Variants in UROD observed in about 807,000 individuals in gnomAD.
UROD encodes the protein uroporphyrinogen decarboxylase, also known as uroporphyrinogen III decarboxylase.
UROD carries 34 observed loss-of-function variants against 47.1 expected under a neutral mutation model. The observed-to-expected ratio is 0.72, with a 90% confidence interval of 0.55 to 0.96. UROD has a LOEUF of 0.96. Ranked by LOEUF, UROD falls within the 40% of genes least tolerant of loss-of-function variation. The pLI is 0.00. For missense variants in UROD, 381 were observed against 471.8 expected (o/e 0.81, Z 1.78); for synonymous variants, 148 against 175.8 (o/e 0.84, Z 1.25).
At chr1:45,014,200 G>C in intron 6 of UROD, 130 bp downstream of exon 6, 1 of 1,457,514 alleles carries the variant, frequency 6.9e-7, no homozygotes, top group Non-Finnish European at 9.6e-7. Flanking sequence ...CAGTGATCTA[G>C]CGGAGCAGCC....
intron 8 of UROD, 32 bp downstream of exon 8, chr1:45,014,868 G>A: frequency 6.8e-6 from 11 of 1,614,228 alleles, no homozygotes; most frequent in Non-Finnish European, 9.3e-6. Flanking sequence ...CCTTGAGGTT[G>A]AGGTGGGGGT....
chr1:45,014,699 C>T, intron 7 of UROD, 37 bp from the exon 8 acceptor site: 2 of 1,613,778 alleles, frequency 1.2e-6, no homozygotes, highest in Non-Finnish European at 8.5e-7. Flanking sequence ...GTGGTTGTAG[C>T]AAGGCCCTCT....
At chr1:45,015,143 G>C in intron 9 of UROD, 137 bp downstream of exon 9, 1 of 1,488,970 alleles carries the variant, frequency 6.7e-7, no homozygotes, top group Non-Finnish European at 9.2e-7. Context: ...TAGAAAGACC[G>C]GACTTTTTGT....
rs772896898 is a variant in UROD, at chr1:45,012,887, C to T, written c.21-20C>T. On this transcript the variant is annotated intron_variant, in intron 1 of 9. Coordinates refer to ENST00000246337, the MANE Select transcript of UROD (RefSeq NM_000374.5). Reference sequence around the variant, plus strand: ...AGCGTAGCATACTGACACCTACCCCCACCCCCACCTGATCGCCAGACCTCA... The same window carrying T: ...AGCGTAGCATACTGACACCTACCCCTACCCCCACCTGATCGCCAGACCTCA... 2.0e-5 allele frequency: 32 copies of T among 1,613,372 alleles called. No individual in the cohort carries two copies. The highest frequency in any genetic ancestry group is 2.5e-5 in the Non-Finnish European group (30 of 1,179,712).
chr1:45,014,396 C>T (rs1208315427), intron 6 of UROD, 43 bp from the exon 7 acceptor site: 1 of 1,613,468 alleles, frequency 6.2e-7, no homozygotes, highest in Non-Finnish European at 8.5e-7. Context: ...GGGAAACTTC[C>T]TCTTTGTGTG....
Position 45,015,419 on chromosome 1 carries a change from A to T in UROD, c.1025A>T (p.Tyr342Phe). The T allele has an allele frequency of 6.2e-7, 1 of 1,614,198 alleles. No individual in the cohort carries two copies. Among genetic ancestry groups the T allele is most frequent in the Non-Finnish European group, 8.5e-7 (1 of 1,180,038 alleles). ...RYIANLGHGL[Y>F]PDMDPEHVGA... The stretch of plus-strand genomic sequence containing the variant: ...ATTGCCAACCTGGGCCATGGGCTTT[A>T]TCCTGACATGGACCCAGAACATGTG... The change falls in exon 10 of 10, where the codon TAT (tyrosine) becomes TTT (phenylalanine). Residue 342 changes from tyrosine to phenylalanine, a missense_variant. Tyr to Phe is a conservative substitution (Grantham distance 22). Coordinates refer to ENST00000246337, the MANE Select transcript of UROD (RefSeq NM_000374.5).
chr1:45,013,877 T>G lies in UROD; in HGVS notation c.475-32T>G. Reference sequence around the variant, plus strand: ...AGACAAAAGGAAGGGTCAGTCTGGCTTCTGTGACACCATCTTTCTATCCTT... The same window carrying G: ...AGACAAAAGGAAGGGTCAGTCTGGCGTCTGTGACACCATCTTTCTATCCTT... On this transcript the variant is annotated intron_variant, in intron 5 of 9. Transcript: ENST00000246337. The surrounding 1 kb of genome is among the most constrained non-coding windows in gnomAD (Gnocchi z 4.2). 6.2e-7 allele frequency: 1 copy of G among 1,614,220 alleles called. No homozygotes were observed. Among genetic ancestry groups the G allele is most frequent in the Non-Finnish European group, 8.5e-7 (1 of 1,180,040 alleles).
rs775439475 is a variant in UROD at position 45,013,417 on chromosome 1, T to C, written c.276+63T>C. 2 of 1,611,304 alleles carry C rather than the reference T, an allele frequency of 1.2e-6. No individual in the cohort carries two copies. The highest frequency in any genetic ancestry group is 4.5e-5 in the East Asian group (2 of 44,870). On this transcript the variant is annotated intron_variant, in intron 4 of 9. Coordinates refer to ENST00000246337, the MANE Select transcript of UROD (RefSeq NM_000374.5). The surrounding 1 kb of genome is among the most constrained non-coding windows in gnomAD (Gnocchi z 4.2). Reference sequence around the variant, plus strand: ...GACGCCTTGAAAATCCTTCTATCAGTCCAGTCAAGGTTTACAATAAGCACT... The same window carrying C: ...GACGCCTTGAAAATCCTTCTATCAGCCCAGTCAAGGTTTACAATAAGCACT...
In UROD at chr1:45,013,716, T is replaced by C. The variant is rs201071299; in HGVS notation, c.399T>C (p.Tyr133=). ...DPEVVASELG[Y]VFQAITLTRQ... ...AAGTGGTAGCCTCTGAGCTAGGCTA[T>C]GTGTTCCAAGCCATCACCCTTACCC... The change falls in exon 5 of 10, where the codon TAT becomes TAC. Residue 133 remains tyrosine, a synonymous_variant. Coordinates refer to ENST00000246337, the MANE Select transcript of UROD (RefSeq NM_000374.5). The surrounding 1 kb of genome is among the most constrained non-coding windows in gnomAD (Gnocchi z 4.2). 145 of 1,613,994 alleles carry C rather than the reference T, an allele frequency of 9.0e-5. No homozygotes were observed. Among genetic ancestry groups the C allele is most frequent in the Non-Finnish European group, 9.8e-5 (116 of 1,180,036 alleles).
intron 8 of UROD, 30 bp downstream of exon 8, chr1:45,014,866 T>C: frequency 6.2e-7 from 1 of 1,613,772 alleles, no homozygotes; most frequent in Non-Finnish European, 8.5e-7. Flanking sequence ...GGCCTTGAGG[T>C]TGAGGTGGGG....
intron 1 of UROD, chr1:45,012,643 C>T (rs1190184945): frequency 1.0e-5 from 7 of 674,184 alleles, no homozygotes; most frequent in East Asian, 2.8e-5. Flanking sequence ...GCCTTCATTC[C>T]CTCCCCCCAG....
At position 45,013,356 on chromosome 1, in the gene UROD, TACCC is replaced by T. The variant is rs771119226; in HGVS notation, c.276+5_276+8del. On this transcript the variant is annotated splice_donor_5th_base_variant and intron_variant, in intron 4 of 9. Transcript: ENST00000246337. This position sits in a 1 kb window ranked among gnomAD's most constrained non-coding sequence, Gnocchi z 4.2. ...TCCGACATCCTTGTTGTACCCCAGG[TACCC>T]ACTCAAACCTGATCCTAGAATATAA... The T allele has an allele frequency of 6.2e-7, 1 of 1,614,164 alleles. No individual in the cohort carries two copies. The highest frequency in any genetic ancestry group is 8.5e-7 in the Non-Finnish European group (1 of 1,180,032).
In UROD at chr1:45,015,027, G is replaced by A. The variant is rs1308843722; in HGVS notation, c.942+21G>A. ...CTGAGGTAACAGCCAGGGCCCCTCT[G>A]TGTGTCTGTTACTGTGCACTCCTGT... is the stretch of plus-strand genomic sequence containing the variant. On this transcript the variant is annotated intron_variant, in intron 9 of 9. Transcript: ENST00000246337. 13 of 1,612,918 alleles carry A rather than the reference G, an allele frequency of 8.1e-6. No individual in the cohort carries two copies. In the South Asian group the frequency reaches 1.4e-4, roughly 18 times the overall value.
In UROD at chr1:45,013,551, C is replaced by T. The variant is rs1378069832; in HGVS notation, c.277-43C>T. 6.2e-7 allele frequency: 1 copy of T among 1,613,616 alleles called. No individual in the cohort carries two copies. Among genetic ancestry groups the T allele is most frequent in the Non-Finnish European group, 8.5e-7 (1 of 1,179,814 alleles). On this transcript the variant is annotated intron_variant, in intron 4 of 9. Coordinates refer to ENST00000246337, the MANE Select transcript of UROD (RefSeq NM_000374.5). The surrounding 1 kb of genome is among the most constrained non-coding windows in gnomAD (Gnocchi z 4.2). The stretch of plus-strand genomic sequence containing the variant: ...AATGAGCTGAACAGAACCTTTCCTC[C>T]TGGATTCCATTTTGGGAACCCAGAT...
In UROD at chr1:45,014,420, T is replaced by G. The variant is rs1644831373; in HGVS notation, c.637-19T>G. The G allele has an allele frequency of 6.2e-7, 1 of 1,614,144 alleles. No homozygotes were observed. Among genetic ancestry groups the G allele is most frequent in the African/African-American group, 1.3e-5 (1 of 75,080 alleles). On this transcript the variant is annotated intron_variant, in intron 6 of 9. Transcript: ENST00000246337. ...CCTCTTTGTGTGTTACATATTTTTC[T>G]TCACCATACCCTAACTAGGCATTGC...
Position 45,012,982 on chromosome 1 carries a change from C to T in UROD, c.96C>T (p.Pro32=), listed in dbSNP as rs990355414. The T allele has an allele frequency of 4.3e-6, 7 of 1,613,946 alleles. No homozygotes were observed. The highest frequency in any genetic ancestry group is 3.3e-4 in the Middle Eastern group (2 of 6,084). ...AAWGEETDYT[P]VWCMRQAGRY... ...GGGGAGAGGAAACAGACTACACTCCCGTTTGGTGCATGCGCCAGGCAGGCC... is the reference window on the plus strand; with the variant it reads ...GGGGAGAGGAAACAGACTACACTCCTGTTTGGTGCATGCGCCAGGCAGGCC... The change falls in exon 2 of 10, where the codon CCC becomes CCT. Residue 32 remains proline, a synonymous_variant. Coordinates refer to ENST00000246337, the MANE Select transcript of UROD (RefSeq NM_000374.5).
chr1:45,015,040 TG>T, intron 9 of UROD, 34 bp downstream of exon 9: 1 of 1,612,244 alleles, frequency 6.2e-7, no homozygotes, highest in South Asian at 1.1e-5. Flanking sequence ...TGTCTGTTAC[TG>T]TGCACTCCTG....
Position 45,013,208 on chromosome 1 carries a change from C to T in UROD, c.206C>T (p.Thr69Ile). ...TCTCCTGAGGCCTGCTGTGAACTGA[C>T]TCTGCAGGTGAGGGGTCCACAAAAG... ...CRSPEACCEL[T>I]LQPLRRFPLD... The change falls in exon 3 of 10, where the codon ACT (threonine) becomes ATT (isoleucine). Residue 69 changes from threonine (T) to isoleucine (I), a missense_variant. Physicochemically the swap from Thr to Ile is moderately conservative, Grantham distance 89. Transcript: ENST00000246337. The surrounding 1 kb of genome is among the most constrained non-coding windows in gnomAD (Gnocchi z 4.2). The T allele has an allele frequency of 1.9e-6, 3 of 1,614,196 alleles. No individual in the cohort carries two copies. The highest frequency in any genetic ancestry group is 2.2e-5 in the East Asian group (1 of 44,878).
At chr1:45,014,671 TAC>T in intron 7 of UROD, 63 bp from the exon 8 acceptor site, 1 of 1,613,422 alleles carries the variant, frequency 6.2e-7, no homozygotes, top group East Asian at 2.2e-5. Context: ...GCAGCAGAAG[TAC>T]AGTCAAGAAA....
Sources: allele counts gnomAD v4.1 joint callset, GRCh38; gene constraint gnomAD v4.1.1; non-coding constraint Gnocchi (gnomAD v3.1); transcripts MANE v1.5; gene names NCBI Gene and HGNC (gene_info 2026-07-23, HGNC 2026-07-21).